The following ALOXE3 variants were observed in gnomAD, a reference collection of about 807,000 sequenced individuals.
ALOXE3 encodes hydroperoxide isomerase ALOXE3.
Under a neutral mutation model 87.5 loss-of-function variants are expected in ALOXE3, and 78 were observed. The observed-to-expected ratio is 0.89, with a 90% CI of 0.74 to 1.08. The LOEUF is 1.08. ALOXE3 is among the 50% of genes least tolerant of loss of function. The pLI is 0.00. For missense variants in ALOXE3, 946 were observed against 912.4 expected (o/e 1.04, Z -0.47); for synonymous variants, 363 against 370.8 (o/e 0.98, Z 0.24).
Position 8,118,314 on chromosome 17 carries a change from A to T in ALOXE3, c.-313-11T>A. 2.6e-6 allele frequency: 4 copies of T among 1,551,688 alleles called. No homozygotes were observed. The highest frequency in any genetic ancestry group is 2.6e-6 in the Non-Finnish European group (3 of 1,147,010). ...GGAGCCTGGGTTCCACTGCGGAGGGAGGGATCAGATGCTGAGATGGAGAAA... is the reference window on the plus strand; with the variant it reads ...GGAGCCTGGGTTCCACTGCGGAGGGTGGGATCAGATGCTGAGATGGAGAAA... On this transcript the variant is annotated splice_polypyrimidine_tract_variant and intron_variant, in intron 1 of 15. Coordinates refer to ENST00000448843, the MANE Select transcript of ALOXE3 (RefSeq NM_021628.3).
chr17:8,103,250 C>T, intron 15 of ALOXE3, 73 bp downstream of exon 15: 1 of 1,570,490 alleles, frequency 6.4e-7, no homozygotes, highest in African/African-American at 1.4e-5. Context: ...CCTCAAGCCC[C>T]CAGACGAAGC....
At chr17:8,118,332 T>C (rs770317230) in intron 1 of ALOXE3, 29 bp from the exon 2 acceptor site, 2 of 1,551,718 alleles carry the variant, frequency 1.3e-6, no homozygotes, top group Non-Finnish European at 1.7e-6. Flanking sequence ...GATGCTGAGA[T>C]GGAGAAAAGG....
At chr17:8,114,278 CA>C (rs200955911) in intron 6 of ALOXE3, among the ~76,000 whole-genome samples, 1 of 84,024 alleles carries the variant, frequency 1.2e-5, no homozygotes, top group Admixed American at 1.5e-4. Flanking sequence ...CTGGGGAGCA[CA>C]AGGGGGAGAC....
intron 2 of ALOXE3, 60 bp downstream of exon 2, chr17:8,117,784 C>T: frequency 1.9e-6 from 3 of 1,573,588 alleles, no homozygotes; most frequent in Non-Finnish European, 2.6e-6. Flanking sequence ...GAGGAATACT[C>T]CTCCCGCCTG....
In ALOXE3 at chr17:8,109,332, G is replaced by A. The variant is rs781376374; in HGVS notation, c.1404C>T (p.Ile468=). 5.6e-6 allele frequency: 9 copies of A among 1,613,790 alleles called. No homozygotes were observed. In the Admixed American group the frequency reaches 1.3e-4, roughly 24 times the overall value. The change falls in exon 12 of 16, where the codon ATC becomes ATT. Residue 468 remains isoleucine (I), a synonymous_variant. Transcript: ENST00000448843. The part of the protein sequence containing the change: ...PEGLVDQVTS[I]GRQGLIYLMS... ...TGAGGTAGATGAGGCCTTGCCTCCC[G>A]ATGGACGTGACCTGAGGACACAGCA...
At chr17:8,111,256 T>G (rs1980054357) in intron 8 of ALOXE3, 103 bp downstream of exon 8, 1 of 1,450,136 alleles carries the variant, frequency 6.9e-7, no homozygotes, top group Admixed American at 1.7e-5. Flanking sequence ...ACAGGTGAAA[T>G]GCAGCCCAGG....
In ALOXE3 at chr17:8,096,607, T is replaced by C; in HGVS notation, c.*20A>G. On this transcript the variant is annotated 3_prime_UTR_variant, in exon 16 of 16. Transcript: ENST00000448843. ...TCATGCTTGGACCTTTCTTTCTTCT[T>C]GGGTGGTATTTGGGGGTGGTTAGAT... 9.3e-7 allele frequency: 1 copy of C among 1,080,000 alleles called. No individual in the cohort carries two copies. Among genetic ancestry groups the C allele is most frequent in the Non-Finnish European group, 1.4e-6 (1 of 692,338 alleles). 66.9% of individuals were successfully genotyped at this position (1,080,000 alleles called of 1,614,324 possible).
chr17:8,098,583 T>C (rs1254422831), intron 15 of ALOXE3, among the ~76,000 whole-genome samples: 1 of 152,200 alleles, frequency 6.6e-6, no homozygotes, highest in Non-Finnish European at 1.5e-5. Context: ...GGTTTCATTT[T>C]ACACTGAGTT....
chr17:8,105,439 G>A (rs1979227383), intron 13 of ALOXE3, among the ~76,000 whole-genome samples: 2 of 152,134 alleles, frequency 1.3e-5, no homozygotes, highest in Non-Finnish European at 2.9e-5. Flanking sequence ...TGTATCCCCT[G>A]ATGCTGTTTC....
intron 15 of ALOXE3, among the ~76,000 whole-genome samples, chr17:8,097,787 GC>G (rs1978643386): frequency 7.0e-6 from 1 of 142,236 alleles, no homozygotes; most frequent in Non-Finnish European, 1.5e-5. Context: ...TCGCACTGTC[GC>G]CCAGGTTGGA....
intron 13 of ALOXE3, among the ~76,000 whole-genome samples, chr17:8,107,965 G>GGAAGGAGA (rs200841890): frequency 4.8e-4 from 3 of 6,286 alleles, no homozygotes; most frequent in East Asian, 2.0e-3. Context: ...AAGAAAGGAA[G>GGAAGGAGA]GAGAGAGAGA....
chr17:8,118,555 A>G, upstream of ALOXE3: 1 of 1,527,510 alleles, frequency 6.5e-7, no homozygotes. Flanking sequence ...GTCATAAATC[A>G]CACGTGACTG....
At chr17:8,104,647 G>A (rs1369722703) in intron 13 of ALOXE3, among the ~76,000 whole-genome samples, 1 of 152,220 alleles carries the variant, frequency 6.6e-6, no homozygotes, top group African/African-American at 2.4e-5. Context: ...TTACTGAAAA[G>A]CTCACAGTAA....
chr17:8,118,470 G>T lies in ALOXE3; in HGVS notation c.-314+16C>A. The T allele has an allele frequency of 6.5e-7, 1 of 1,548,702 alleles. No individual in the cohort carries two copies. ...CTGTTCCTCCCCATTCCCAGGCAGA[G>T]ATGAGCACAGGGCACCTGCATTCCT... On this transcript the variant is annotated intron_variant, in intron 1 of 15. Coordinates refer to ENST00000448843, the MANE Select transcript of ALOXE3 (RefSeq NM_021628.3).
intron 1 of ALOXE3, 49 bp downstream of exon 1, chr17:8,118,437 C>T (rs1414509526): frequency 1.9e-6 from 3 of 1,550,754 alleles, no homozygotes; most frequent in East Asian, 2.4e-5. Flanking sequence ...CCCAATGTCC[C>T]CCAAGATCTG....
rs1978544831 is a variant in ALOXE3 at position 8,096,448 on chromosome 17, C to T, written c.*179G>A. ...TGGACGCTGCTGTGCTGGTCTCTCA[C>T]AGCTCAGGGCCCAGTTTGTATGATG... is the stretch of plus-strand genomic sequence containing the variant. On this transcript the variant is annotated 3_prime_UTR_variant, in exon 16 of 16. Transcript: ENST00000448843. 1 of 633,508 alleles carries T rather than the reference C, an allele frequency of 1.6e-6. No homozygotes were observed. Among genetic ancestry groups the T allele is most frequent in the South Asian group, 1.9e-5 (1 of 53,700 alleles). 39.2% of individuals were successfully genotyped at this position (633,508 alleles called of 1,614,324 possible).
rs561472580 is a variant in ALOXE3 at position 8,095,978 on chromosome 17, G to A, written c.*649C>T. On this transcript the variant is annotated 3_prime_UTR_variant, in exon 16 of 16. Transcript: ENST00000448843. ...GAAAAAAATGGGATGAAAGGGAGTG[G>A]GATGAAAGGGGAGTTGGATGAAATC... is the stretch of plus-strand genomic sequence containing the variant. 6.6e-6 allele frequency: 1 copy of A among 152,478 alleles called. No homozygotes were observed. Among genetic ancestry groups the A allele is most frequent in the South Asian group, 2.1e-4 (1 of 4,828 alleles). The allele number at this position is 152,478 out of a possible 1,614,324, so 9.4% of individuals were successfully genotyped here.
At chr17:8,103,175 C>T in intron 15 of ALOXE3, 148 bp downstream of exon 15, 1 of 893,672 alleles carries the variant, frequency 1.1e-6, no homozygotes, top group East Asian at 2.7e-5. Flanking sequence ...TTGGGATTAT[C>T]ATTTTCTGAA....
In ALOXE3 at chr17:8,110,076, AC is replaced by A. The variant is rs58194728; in HGVS notation, c.1305+15del. ...CCGGCCCCTGCCCCGCTGGGCCCCC[AC>A]CCGGGGTCGCGGACCTTGTAGATGG... On this transcript the variant is annotated intron_variant, in intron 10 of 15. Transcript: ENST00000448843. 70,238 of 1,606,054 alleles carry A rather than the reference AC, an allele frequency of 0.044. 3,364 individuals carry two copies. Among genetic ancestry groups the A allele is most frequent in the African/African-American group, 0.24 (18,049 of 74,794 alleles).
Sources: gnomAD v4.1 joint callset for allele counts (sites outside exome capture counted in the v4.1 genomes callset) on GRCh38, gnomAD v4.1.1 for gene constraint, MANE v1.5 for transcripts, NCBI Gene and HGNC (gene_info 2026-07-23, HGNC 2026-07-21) for gene names.